Variants in SNN observed in about 807,000 individuals in gnomAD.
SNN encodes AG8_1.
A neutral mutation model predicts 5.3 loss-of-function variants in SNN; 5 were observed. That is an observed-to-expected ratio of 0.94 (90% CI 0.49 to 1.97). The LOEUF is 1.97. SNN is among the 30% of genes most tolerant of loss of function. The pLI, the probability that SNN is intolerant of heterozygous loss-of-function variation, is 0.01. For missense variants in SNN, 127 were observed against 121.6 expected (o/e 1.04, Z -0.21); for synonymous variants, 67 against 52.1 (o/e 1.29, Z -1.24).
rs942278224 is a variant in SNN at position 11,672,487 on chromosome 16, C to T, written c.-85-3488C>T. On this transcript the variant is annotated intron_variant, in intron 1 of 1. Coordinates refer to ENST00000329565, the MANE Select transcript of SNN (RefSeq NM_003498.6). This position sits in a 1 kb window ranked among gnomAD's most constrained non-coding sequence, Gnocchi z 6.0. ...CAGAGGTGGGAGCGTGGGCTCGCAGCGGAGGGTGTGGGGACGCCTGGGGAG... is the reference window on the plus strand; with the variant it reads ...CAGAGGTGGGAGCGTGGGCTCGCAGTGGAGGGTGTGGGGACGCCTGGGGAG... 3.3e-5 allele frequency among the ~76,000 whole-genome samples: 5 copies of T among 152,174 alleles called. No homozygotes were observed. The highest frequency in any genetic ancestry group is 2.1e-4 in the South Asian group (1 of 4,824).
chr16:11,677,780 C>G lies in SNN; in HGVS notation c.*1454C>G, dbSNP rs548681079. The stretch of plus-strand genomic sequence containing the variant: ...CCTGTAATAGATGGAAGGTCAGCCC[C>G]GGCTTAACCACAGAGCACTGGCCCT... On this transcript the variant is annotated 3_prime_UTR_variant, in exon 2 of 2. Coordinates refer to ENST00000329565, the MANE Select transcript of SNN (RefSeq NM_003498.6). The surrounding 1 kb of genome is among the most constrained non-coding windows in gnomAD (Gnocchi z 4.2). The G allele has an allele frequency of 6.0e-6, 1 of 167,238 alleles. No homozygotes were observed. The highest frequency in any genetic ancestry group is 2.1e-4 in the South Asian group (1 of 4,820). The allele number at this position is 167,238 out of a possible 1,614,324, so 10.4% of individuals were successfully genotyped here.
At position 11,668,522 on chromosome 16, in the gene SNN, G is replaced by C. The variant is rs1337328090; in HGVS notation, c.-104G>C. 1.4e-5 allele frequency: 2 copies of C among 145,164 alleles called. No individual in the cohort carries two copies. The highest frequency in any genetic ancestry group is 4.1e-4 in the East Asian group (2 of 4,936). 9.0% of individuals were successfully genotyped at this position (145,164 alleles called of 1,614,324 possible). A position where few individuals can be genotyped will look rare whatever the true frequency, so the allele number is the denominator to read the frequency against. ...GGGGCTGCTGCGGGGCGATCGGGCC[G>C]GGCCGCTGCCGCGCCATGGTGAGCC... On this transcript the variant is annotated 5_prime_UTR_variant, in exon 1 of 2. Coordinates refer to ENST00000329565, the MANE Select transcript of SNN (RefSeq NM_003498.6). The surrounding 1 kb of genome is among the most constrained non-coding windows in gnomAD (Gnocchi z 6.8).
intron 1 of SNN, among the ~76,000 whole-genome samples, chr16:11,669,442 G>A (rs1597387520): frequency 6.6e-6 from 1 of 152,348 alleles, no homozygotes; most frequent in Admixed American, 6.5e-5. Flanking sequence ...CGAAATGCGG[G>A]ATTTTGGATG....
Position 11,676,022 on chromosome 16 carries a change from C to T in SNN, c.-38C>T. 6.5e-7 allele frequency: 1 copy of T among 1,543,350 alleles called. No individual in the cohort carries two copies. Among genetic ancestry groups the T allele is most frequent in the Non-Finnish European group, 8.8e-7 (1 of 1,142,336 alleles). On this transcript the variant is annotated 5_prime_UTR_variant, in exon 2 of 2. Coordinates refer to ENST00000329565, the MANE Select transcript of SNN (RefSeq NM_003498.6). ...TCCAGCCTCACTGAGTGGCCACCCC[C>T]AAAGTGCTGCCAGCCGAGGAAGCCC...
chr16:11,669,169 C>T lies in SNN; in HGVS notation c.-86+629C>T, dbSNP rs8191273. 3.2e-3 allele frequency among the ~76,000 whole-genome samples: 480 copies of T among 152,312 alleles called. 2 individuals carry two copies. The highest frequency in any genetic ancestry group is 6.8e-3 in the Middle Eastern group (2 of 292). On this transcript the variant is annotated intron_variant, in intron 1 of 1. Transcript: ENST00000329565. ...CTCCTCCCTGGAGCCTCGCTTTGCT[C>T]CTCCGTGGAGTGGGGGAGACGCCGG...
At position 11,671,846 on chromosome 16, in the gene SNN, G is replaced by A. The variant is rs1157336303; in HGVS notation, c.-86+3306G>A. On this transcript the variant is annotated intron_variant, in intron 1 of 1. Transcript: ENST00000329565. This position sits in a 1 kb window ranked among gnomAD's most constrained non-coding sequence, Gnocchi z 4.7. ...GGACCTGCTGCCCTCCGCGCTTTGAGTTTCCCGGGGCTCTGCTTGGCCACC... is the reference window on the plus strand; with the variant it reads ...GGACCTGCTGCCCTCCGCGCTTTGAATTTCCCGGGGCTCTGCTTGGCCACC... Among the ~76,000 whole-genome samples the A allele has an allele frequency of 6.6e-6, 1 of 152,104 alleles. No homozygotes were observed. The highest frequency in any genetic ancestry group is 1.9e-4 in the East Asian group (1 of 5,164).
At chr16:11,673,982 C>T (rs1261695715) in intron 1 of SNN, among the ~76,000 whole-genome samples, 1 of 152,224 alleles carries the variant, frequency 6.6e-6, no homozygotes, top group Admixed American at 6.5e-5. Context: ...GCCGGTTTCC[C>T]CGGGCCTGGT....
intron 1 of SNN, among the ~76,000 whole-genome samples, chr16:11,673,195 C>A (rs1432904649): frequency 6.6e-6 from 1 of 152,088 alleles, no homozygotes; most frequent in African/African-American, 2.4e-5. Flanking sequence ...GGTGGGAAGG[C>A]TGTCTGTGGG....
chr16:11,671,684 G>A lies in SNN; in HGVS notation c.-86+3144G>A, dbSNP rs553877948. On this transcript the variant is annotated intron_variant, in intron 1 of 1. Transcript: ENST00000329565. The surrounding 1 kb of genome is among the most constrained non-coding windows in gnomAD (Gnocchi z 4.7). Reference sequence around the variant, plus strand: ...ATCTCCCCAACCCAAGCTGTGGCCCGTCCCTGTCCCCTGCATCCTGTGGGC... The same window carrying A: ...ATCTCCCCAACCCAAGCTGTGGCCCATCCCTGTCCCCTGCATCCTGTGGGC... Among the ~76,000 whole-genome samples, 67 of 152,296 alleles carry A rather than the reference G, an allele frequency of 4.4e-4. No individual in the cohort carries two copies. The highest frequency in any genetic ancestry group is 7.2e-4 in the Non-Finnish European group (49 of 68,006).
intron 1 of SNN, among the ~76,000 whole-genome samples, chr16:11,670,475 G>A (rs1457587357): frequency 6.6e-6 from 1 of 152,208 alleles, no homozygotes; most frequent in Non-Finnish European, 1.5e-5. Context: ...TGGGCTTGGG[G>A]ATCCCTCGGG....
Position 11,672,730 on chromosome 16 carries a change from A to C in SNN, c.-85-3245A>C, listed in dbSNP as rs2050273988. ...CAGAACCCCACATCTGGCTCTGCCC[A>C]TGCCTCCTGGCCTGGGTTCAGGGCA... On this transcript the variant is annotated intron_variant, in intron 1 of 1. Transcript: ENST00000329565. The surrounding 1 kb of genome is among the most constrained non-coding windows in gnomAD (Gnocchi z 6.0). Among the ~76,000 whole-genome samples, 1 of 152,064 alleles carries C rather than the reference A, an allele frequency of 6.6e-6. No individual in the cohort carries two copies. Among genetic ancestry groups the C allele is most frequent in the Non-Finnish European group, 1.5e-5 (1 of 67,998 alleles).
At position 11,669,950 on chromosome 16, in the gene SNN, C is replaced by A. The variant is rs555678103; in HGVS notation, c.-86+1410C>A. On this transcript the variant is annotated intron_variant, in intron 1 of 1. Transcript: ENST00000329565. ...ACACTGGCCAGAGAGCTGGGCACAG[C>A]CCCATCAGTGTCAGTCCCACTGGCA... Among the ~76,000 whole-genome samples, 76 of 152,348 alleles carry A rather than the reference C, an allele frequency of 5.0e-4. 1 individual carries two copies. The highest frequency in any genetic ancestry group is 4.8e-3 in the South Asian group (23 of 4,832).
Position 11,676,138 on chromosome 16 carries a change from G to A in SNN, c.79G>A (p.Ala27Thr), listed in dbSNP as rs1321643081. 1.9e-6 allele frequency: 3 copies of A among 1,614,068 alleles called. No homozygotes were observed. Among genetic ancestry groups the A allele is most frequent in the Non-Finnish European group, 2.5e-6 (3 of 1,180,038 alleles). Residue 27 changes from alanine (A) to threonine (T), a missense_variant, in exon 2 of 2, where the codon GCC becomes ACC. By Grantham distance (58) the Ala-to-Thr change is moderately conservative. Coordinates refer to ENST00000329565, the MANE Select transcript of SNN (RefSeq NM_003498.6). ...CCTCATTGCCATCGCGGCCCTGGGG[G>A]CCTTGATCCTGGGCTGCTGGTGCTA... is the stretch of plus-strand genomic sequence containing the variant. ...VILIAIAALG[A>T]LILGCWCYLR... is the part of the protein sequence containing the mutation.
Position 11,672,214 on chromosome 16 carries a change from G to A in SNN, c.-86+3674G>A, listed in dbSNP as rs771046824. ...CAGGGCAGGGGTACAGCTGTGGGCG[G>A]GACAGACGGTGCCCTCCTTGGACTG... is the stretch of plus-strand genomic sequence containing the variant. On this transcript the variant is annotated intron_variant, in intron 1 of 1. Coordinates refer to ENST00000329565, the MANE Select transcript of SNN (RefSeq NM_003498.6). The surrounding 1 kb of genome is among the most constrained non-coding windows in gnomAD (Gnocchi z 6.0). Among the ~76,000 whole-genome samples, 3 of 152,174 alleles carry A rather than the reference G, an allele frequency of 2.0e-5. No individual in the cohort carries two copies. Among genetic ancestry groups the A allele is most frequent in the Non-Finnish European group, 2.9e-5 (2 of 68,024 alleles).
Position 11,672,898 on chromosome 16 carries a change from G to C in SNN, c.-85-3077G>C, listed in dbSNP as rs2050275117. On this transcript the variant is annotated intron_variant, in intron 1 of 1. Transcript: ENST00000329565. This position sits in a 1 kb window ranked among gnomAD's most constrained non-coding sequence, Gnocchi z 6.0. The stretch of plus-strand genomic sequence containing the variant: ...CAGGTGCCTCCTGGCCTGCCCACCT[G>C]GCTTTGCCCCGCCTATCCCAGGTCC... 6.6e-6 allele frequency among the ~76,000 whole-genome samples: 1 copy of C among 152,172 alleles called. No individual in the cohort carries two copies. Among genetic ancestry groups the C allele is most frequent in the Non-Finnish European group, 1.5e-5 (1 of 68,030 alleles).
intron 1 of SNN, among the ~76,000 whole-genome samples, chr16:11,674,062 A>G (rs1009004092): frequency 6.6e-6 from 1 of 150,946 alleles, no homozygotes. Context: ...TTCTGGGGAA[A>G]CTCCTGGTTG....
Position 11,676,575 on chromosome 16 carries a change from A to T in SNN, c.*249A>T, listed in dbSNP as rs1246344231. ...ACCTTGCTGGGGCTCATGGCCCTGTAGCGCTTTTGTTACTTGAATGTCTAG... is the reference window on the plus strand; with the variant it reads ...ACCTTGCTGGGGCTCATGGCCCTGTTGCGCTTTTGTTACTTGAATGTCTAG... On this transcript the variant is annotated 3_prime_UTR_variant, in exon 2 of 2. Transcript: ENST00000329565. The T allele has an allele frequency of 1.9e-6, 1 of 527,754 alleles. No individual in the cohort carries two copies. Among genetic ancestry groups the T allele is most frequent in the Non-Finnish European group, 3.5e-6 (1 of 286,372 alleles). The allele number at this position is 527,754 out of a possible 1,614,324, so 32.7% of individuals were successfully genotyped here. A position where few individuals can be genotyped will look rare whatever the true frequency, so the allele number is the denominator to read the frequency against.
At position 11,674,350 on chromosome 16, in the gene SNN, G is replaced by A. The variant is rs8191308; in HGVS notation, c.-85-1625G>A. ...AGGCAGGAGAGGGAAGAAAGTGCAG[G>A]GTCTTGGGACTCCAGAGAACCTGCC... On this transcript the variant is annotated intron_variant, in intron 1 of 1. Transcript: ENST00000329565. 2.1e-3 allele frequency among the ~76,000 whole-genome samples: 318 copies of A among 152,334 alleles called. 1 individual carries two copies. Among genetic ancestry groups the A allele is most frequent in the African/African-American group, 7.2e-3 (300 of 41,582 alleles).
Position 11,676,380 on chromosome 16 carries a change from G to A in SNN, c.*54G>A. ...TGCAGCCGGCCAAGAGGCGCTGGGA[G>A]GGGCAAAACCATACGGATGCGCTGC... On this transcript the variant is annotated 3_prime_UTR_variant, in exon 2 of 2. Transcript: ENST00000329565. 1.3e-6 allele frequency: 2 copies of A among 1,571,892 alleles called. No homozygotes were observed. Among genetic ancestry groups the A allele is most frequent in the Non-Finnish European group, 1.7e-6 (2 of 1,155,462 alleles).
Sources: allele counts gnomAD v4.1 joint callset (sites outside exome capture counted in the v4.1 genomes callset), GRCh38; gene constraint gnomAD v4.1.1; non-coding constraint Gnocchi (gnomAD v3.1); transcripts MANE v1.5; gene names NCBI Gene and HGNC (gene_info 2026-07-23, HGNC 2026-07-21).